Variants in NRXN3 observed in about 807,000 individuals in gnomAD.
NRXN3 encodes neurexin 3, also known as neurexin III.
In NRXN3, 32 loss-of-function variants were observed where a neutral mutation model predicts 137.6. The observed-to-expected ratio is 0.23, with a 90% CI of 0.18 to 0.31. NRXN3 has a LOEUF of 0.31. Ranked by LOEUF, NRXN3 falls within the 10% of genes least tolerant of loss-of-function variation. NRXN3 has a pLI of 1.00. For missense variants in NRXN3, 1,574 were observed against 2,062.5 expected (o/e 0.76, Z 4.59); for synonymous variants, 798 against 784.5 (o/e 1.02, Z -0.29).
At chr14:79,354,415 T>A (rs963802749) in intron 15 of NRXN3, among the ~76,000 whole-genome samples, 11 of 152,292 alleles carry the variant, frequency 7.2e-5, no homozygotes, top group South Asian at 2.1e-4. Flanking sequence ...AAACATTTTT[T>A]AAAAAAATTA....
Position 79,792,071 on chromosome 14 carries a change from G to A in NRXN3, c.4015-13041G>A, listed in dbSNP as rs541697768. 6.6e-5 allele frequency among the ~76,000 whole-genome samples: 10 copies of A among 152,304 alleles called. No homozygotes were observed. In the South Asian group the frequency reaches 1.2e-3, roughly 19 times the overall value. On this transcript the variant is annotated intron_variant, in intron 19 of 20. Coordinates refer to ENST00000335750, the MANE Select transcript of NRXN3 (RefSeq NM_001330195.2). ...ACCTGAGATGAGAAGGGTTTGAGGAGACACTTCCTGCCCACTGTGCTAAGC... is the reference window on the plus strand; with the variant it reads ...ACCTGAGATGAGAAGGGTTTGAGGAAACACTTCCTGCCCACTGTGCTAAGC...
chr14:79,815,729 TC>T (rs2099249680), intron 20 of NRXN3, among the ~76,000 whole-genome samples: 3 of 152,224 alleles, frequency 2.0e-5, no homozygotes, highest in African/African-American at 7.2e-5. Flanking sequence ...TGTAAAATAT[TC>T]CCACCATGGC....
chr14:79,578,363 G>A (rs1292919796), intron 16 of NRXN3, among the ~76,000 whole-genome samples: 1 of 152,110 alleles, frequency 6.6e-6, no homozygotes, highest in East Asian at 1.9e-4. Flanking sequence ...TGGTGTCTGC[G>A]GTTTTTGGAG....
intron 16 of NRXN3, among the ~76,000 whole-genome samples, chr14:79,639,877 C>T (rs8021855): frequency 0.081 from 12,345 of 151,958 alleles, 1,708 homozygotes; most frequent in African/African-American, 0.28. Flanking sequence ...AATCTCCCTC[C>T]TCCCCACCCC....
chr14:78,532,517 T>C (rs1445680928), intron 4 of NRXN3, among the ~76,000 whole-genome samples: 2 of 151,572 alleles, frequency 1.3e-5, no homozygotes, highest in South Asian at 2.1e-4. Context: ...TCAAGACCAG[T>C]TCCTTCTCTC....
intron 4 of NRXN3, among the ~76,000 whole-genome samples, chr14:78,377,698 G>A (rs188551102): frequency 1.3e-5 from 2 of 152,268 alleles, no homozygotes; most frequent in African/African-American, 4.8e-5. Context: ...TTCTCAATAT[G>A]TCCTCACCTG....
At chr14:78,912,052 T>A (rs558041474) in intron 10 of NRXN3, among the ~76,000 whole-genome samples, 1 of 151,906 alleles carries the variant, frequency 6.6e-6, no homozygotes, top group Admixed American at 6.5e-5. Context: ...GTATATCTCC[T>A]AATGCTATCC....
At chr14:78,215,429 G>T (rs2063155062) in intron 1 of NRXN3, among the ~76,000 whole-genome samples, 1 of 152,056 alleles carries the variant, frequency 6.6e-6, no homozygotes, top group African/African-American at 2.4e-5. Flanking sequence ...AACAGGACGA[G>T]CTCAAATCAG....
At chr14:79,832,216 G>A (rs748343712) in intron 20 of NRXN3, among the ~76,000 whole-genome samples, 40 of 152,162 alleles carry the variant, frequency 2.6e-4, no homozygotes, top group Non-Finnish European at 4.9e-4. Context: ...TGAATGAGTC[G>A]AGGGCAGGTA....
intron 15 of NRXN3, among the ~76,000 whole-genome samples, chr14:79,229,782 G>A (rs980810655): frequency 1.3e-5 from 2 of 152,008 alleles, no homozygotes; most frequent in East Asian, 1.9e-4. Flanking sequence ...CCTCCTTTGC[G>A]CTGCCAGCAA....
intron 10 of NRXN3, among the ~76,000 whole-genome samples, chr14:78,937,207 CAAAG>C (rs1040260274): frequency 2.1e-5 from 3 of 140,142 alleles, no homozygotes; most frequent in African/African-American, 5.2e-5. Context: ...AAAAAAGAAA[CAAAG>C]AAAAGAAAAG....
intron 4 of NRXN3, among the ~76,000 whole-genome samples, chr14:78,620,981 TC>T (rs1380241702): frequency 1.3e-5 from 2 of 152,138 alleles, no homozygotes; most frequent in Non-Finnish European, 2.9e-5. Context: ...TTCCAATCTT[TC>T]TCTCCAGCTT....
chr14:79,792,497 C>T (rs1011861206), intron 19 of NRXN3, among the ~76,000 whole-genome samples: 1 of 152,172 alleles, frequency 6.6e-6, no homozygotes, highest in Non-Finnish European at 1.5e-5. Flanking sequence ...ACAAACGAAA[C>T]ACTTTTTCCT....
At chr14:79,781,916 C>A (rs1420048144) in intron 19 of NRXN3, among the ~76,000 whole-genome samples, 2 of 152,154 alleles carry the variant, frequency 1.3e-5, no homozygotes, top group African/African-American at 4.8e-5. Context: ...GAGATTCATT[C>A]TATGCTGCCT....
intron 19 of NRXN3, among the ~76,000 whole-genome samples, chr14:79,750,901 G>A (rs1285011554): frequency 6.6e-6 from 1 of 152,146 alleles, no homozygotes; most frequent in Admixed American, 6.6e-5. Context: ...CTTGCTTCTA[G>A]AGAAAGGTAT....
At chr14:79,395,719 G>T (rs2094999812) in intron 15 of NRXN3, among the ~76,000 whole-genome samples, 1 of 151,454 alleles carries the variant, frequency 6.6e-6, no homozygotes, top group South Asian at 2.1e-4. Flanking sequence ...TGAGTCAGGA[G>T]AATGGCGTGA....
At chr14:78,690,318 G>C (rs1317764095) in intron 6 of NRXN3, among the ~76,000 whole-genome samples, 1 of 152,198 alleles carries the variant, frequency 6.6e-6, no homozygotes, top group Non-Finnish European at 1.5e-5. Flanking sequence ...GGGAGACATA[G>C]GAGTTGGAGT....
intron 9 of NRXN3, among the ~76,000 whole-genome samples, chr14:78,806,061 T>C (rs917230476): frequency 2.8e-4 from 29 of 102,584 alleles, no homozygotes; most frequent in Non-Finnish European, 5.4e-4. Context: ...TTTTTTTTTT[T>C]TCCCCTTTGG....
intron 20 of NRXN3, among the ~76,000 whole-genome samples, chr14:79,844,158 A>G (rs1184554314): frequency 6.6e-6 from 1 of 151,924 alleles, no homozygotes; most frequent in Non-Finnish European, 1.5e-5. Flanking sequence ...CATTACAGCA[A>G]TTCAGTCACA....
Sources: gnomAD v4.1 joint callset for allele counts (sites outside exome capture counted in the v4.1 genomes callset) on GRCh38, gnomAD v4.1.1 for gene constraint, MANE v1.5 for transcripts, NCBI Gene and HGNC (gene_info 2026-07-23, HGNC 2026-07-21) for gene names.